The following PRH1 variants were observed in gnomAD, a reference collection of about 807,000 sequenced individuals.
The protein encoded by PRH1 is salivary acidic proline-rich phosphoprotein 1/2.
A neutral mutation model predicts 7.9 loss-of-function variants in PRH1; 7 were observed. That is an observed-to-expected ratio of 0.89 (90% CI 0.50 to 1.67). The LOEUF is 1.67. Among genes scored for constraint, PRH1 ranks in the 40% most tolerant of loss-of-function variants. The probability of loss-of-function intolerance (pLI) is 0.00; values close to 1 mark genes in which losing one functional copy is unlikely to be tolerated. For synonymous variants in PRH1, 45 were observed against 80.8 expected (o/e 0.56, Z 2.38); for missense variants, 109 against 223.6 (o/e 0.49, Z 3.27).
At chr12:11,147,330 G>A (rs188441348) in intron 1 of PRH1, among the ~76,000 whole-genome samples, 1 of 152,036 alleles carries the variant, frequency 6.6e-6, no homozygotes, top group Non-Finnish European at 1.5e-5. Context: ...TGTGACTACA[G>A]GTGTGTGCCA....
At chr12:11,060,560 T>C (rs1943550135) in intron 1 of PRH1, among the ~76,000 whole-genome samples, 1 of 152,106 alleles carries the variant, frequency 6.6e-6, no homozygotes, top group Non-Finnish European at 1.5e-5. Context: ...ATCCAAAAGC[T>C]GGAAGAAATG....
intron 2 of PRH1, among the ~76,000 whole-genome samples, chr12:10,924,231 C>A (rs370959684): frequency 2.6e-5 from 4 of 152,258 alleles, no homozygotes; most frequent in African/African-American, 9.6e-5. Context: ...TCATGATCCA[C>A]CCGCCTCGGC....
chr12:11,122,769 AT>A (rs1360165793), intron 1 of PRH1, among the ~76,000 whole-genome samples: 1 of 152,130 alleles, frequency 6.6e-6, no homozygotes, highest in Admixed American at 6.5e-5. Flanking sequence ...TTCATGGAAA[AT>A]TTCTCCTAAT....
chr12:10,898,148 T>TA (rs1949675163), intron 2 of PRH1, among the ~76,000 whole-genome samples: 1 of 152,214 alleles, frequency 6.6e-6, no homozygotes, highest in African/African-American at 2.4e-5. Flanking sequence ...GAGCTGAACT[T>TA]AATCTTAATT....
At chr12:11,075,837 T>C (rs1286433801) in intron 1 of PRH1, among the ~76,000 whole-genome samples, 2 of 132,364 alleles carry the variant, frequency 1.5e-5, no homozygotes, top group Non-Finnish European at 3.4e-5. Flanking sequence ...AAGAGTTTCG[T>C]TTTCACTGGT....
intron 2 of PRH1, chr12:10,891,727 C>T (rs573886870): frequency 2.6e-5 from 4 of 152,282 alleles, no homozygotes; most frequent in East Asian, 1.9e-4. Flanking sequence ...GGAATATCAT[C>T]GTACTATTTC....
chr12:11,026,644 C>T (rs1340594732), intron 1 of PRH1, among the ~76,000 whole-genome samples: 1 of 149,288 alleles, frequency 6.7e-6, no homozygotes, highest in Non-Finnish European at 1.5e-5. Flanking sequence ...GATGGTAGTC[C>T]TTTCTATAAG....
At chr12:11,078,855 G>A (rs1397308815) in intron 1 of PRH1, 1 of 152,022 alleles carries the variant, frequency 6.6e-6, no homozygotes, top group Non-Finnish European at 1.5e-5. Flanking sequence ...CTGAAAATCT[G>A]GTTTCTGATA....
chr12:11,061,445 T>A lies in PRH1; in HGVS notation n.124-14257A>T. On this transcript the variant is annotated intron_variant and non_coding_transcript_variant, in intron 1 of 4. Coordinates refer to the PRH1 transcript ENST00000541977. ...GAAAGAAAAGTCTGCTTTAGCTTCT[T>A]GTTTCCCCAAATCAGGATGAATGGG... The A allele has an allele frequency of 1.9e-6, 3 of 1,613,884 alleles. No individual in the cohort carries two copies. The East Asian group carries it at 6.7e-5, about 36-fold the overall frequency.
upstream of PRH1, among the ~76,000 whole-genome samples, chr12:11,051,773 A>G (rs1467358512): frequency 3.3e-5 from 5 of 152,156 alleles, no homozygotes; most frequent in East Asian, 5.8e-4. Context: ...CCTGTGCTCA[A>G]CATTATGGAT....
chr12:11,010,484 T>G (rs867649672), intron 1 of PRH1, among the ~76,000 whole-genome samples: 5 of 151,940 alleles, frequency 3.3e-5, no homozygotes. Flanking sequence ...TCAGGTAATA[T>G]TTCATCAAGA....
intron 1 of PRH1, among the ~76,000 whole-genome samples, chr12:11,149,461 C>A (rs1201497691): frequency 1.3e-5 from 2 of 151,594 alleles, no homozygotes; most frequent in South Asian, 2.1e-4. Flanking sequence ...GTACTGGTAC[C>A]AAAACAGAGA....
chr12:11,068,322 G>A (rs1943912673), intron 1 of PRH1, among the ~76,000 whole-genome samples: 1 of 152,124 alleles, frequency 6.6e-6, no homozygotes, highest in Admixed American at 6.5e-5. Context: ...TGAACTTTAT[G>A]TAAATGAGAT....
In PRH1 at chr12:10,916,332, A is replaced by G. The variant is rs145680700; in HGVS notation, c.-58-32057T>C. On this transcript the variant is annotated intron_variant, in intron 2 of 3. Transcript: ENST00000539853. The stretch of plus-strand genomic sequence containing the variant: ...ATTTGGATGGGGACACAGAAAAACC[A>G]TATCAAACCCTGTTCCAGAGATGCA... 3.9e-3 allele frequency among the ~76,000 whole-genome samples: 600 copies of G among 152,300 alleles called. 4 individuals are homozygous for G. Among genetic ancestry groups the G allele is most frequent in the African/African-American group, 0.013 (545 of 41,568 alleles).
intron 1 of PRH1, among the ~76,000 whole-genome samples, chr12:11,127,838 G>A (rs1345861091): frequency 1.3e-5 from 2 of 152,208 alleles, no homozygotes; most frequent in African/African-American, 4.8e-5. Flanking sequence ...CGGACACGGT[G>A]GCTCACGCCT....
chr12:11,147,398 G>A (rs953338477), intron 1 of PRH1, among the ~76,000 whole-genome samples: 13 of 152,076 alleles, frequency 8.5e-5, no homozygotes, highest in African/African-American at 2.2e-4. Context: ...AGGTTTCCCA[G>A]GCTGGTCTCG....
downstream of PRH1, among the ~76,000 whole-genome samples, chr12:11,118,722 C>T (rs995748583): frequency 1.3e-5 from 2 of 151,956 alleles, no homozygotes; most frequent in East Asian, 1.9e-4. Context: ...TGGCCGGGGG[C>T]GGTGGCTGAC....
At chr12:11,045,497 G>A (rs1418399434) in intron 1 of PRH1, among the ~76,000 whole-genome samples, 1 of 152,010 alleles carries the variant, frequency 6.6e-6, no homozygotes, top group African/African-American at 2.4e-5. Flanking sequence ...TTCATTATGT[G>A]ACATTGCATG....
rs973769595 is a variant in PRH1, at chr12:11,114,931, T to C, written n.123+56491A>G. ...ACATAAAAAGCAAAAAACTATATTA[T>C]ATCACCAGAGAAAATAACCTTCACT... On this transcript the variant is annotated intron_variant and non_coding_transcript_variant, in intron 1 of 4. Coordinates refer to the PRH1 transcript ENST00000541977. Among the ~76,000 whole-genome samples the C allele has an allele frequency of 7.9e-5, 12 of 152,056 alleles. 1 individual carries two copies. In the South Asian group the frequency reaches 2.3e-3, roughly 29 times the overall value.
Sources: allele counts gnomAD v4.1 joint callset (sites outside exome capture counted in the v4.1 genomes callset), GRCh38; gene constraint gnomAD v4.1.1; transcripts MANE v1.5; gene names NCBI Gene and HGNC (gene_info 2026-07-23, HGNC 2026-07-21).